CCDC38: variants seen among roughly 807,000 people sequenced by gnomAD.
CCDC38 encodes coiled-coil domain containing 38.
In CCDC38, 69 loss-of-function variants were observed where a neutral mutation model predicts 72.8. The ratio of observed to expected loss-of-function variants is 0.95; its 90% CI spans 0.78 to 1.16. The LOEUF is 1.16. CCDC38 is among the 50% of genes most tolerant of loss of function. The pLI is 0.00. For missense variants in CCDC38, 626 were observed against 638.9 expected, an observed-to-expected ratio of 0.98 and a Z score of 0.22; for synonymous variants, 201 against 213.2, an observed-to-expected ratio of 0.94 and a Z score of 0.50.
At chr12:95,921,260 C>T (rs922023437) in intron 2 of CCDC38, among the ~76,000 whole-genome samples, 2 of 152,150 alleles carry the variant, frequency 1.3e-5, no homozygotes, top group Non-Finnish European at 2.9e-5. Context: ...TTCTTACTTT[C>T]TAACTCTTGG....
At chr12:95,869,817 G>T in intron 14 of CCDC38, 1 of 355,764 alleles carries the variant, frequency 2.8e-6, no homozygotes, top group Non-Finnish European at 4.7e-6. Flanking sequence ...CCAGATCTTG[G>T]TCTATTTTTT....
chr12:95,920,839 G>T (rs886540353), intron 2 of CCDC38, among the ~76,000 whole-genome samples: 1 of 152,040 alleles, frequency 6.6e-6, no homozygotes, highest in African/African-American at 2.4e-5. Flanking sequence ...CATTAAAAAA[G>T]CAAAAGAGGG....
chr12:95,880,265 C>G (rs569878618), intron 11 of CCDC38, among the ~76,000 whole-genome samples: 2 of 152,036 alleles, frequency 1.3e-5, no homozygotes, highest in Non-Finnish European at 2.9e-5. Flanking sequence ...TCATTATTCA[C>G]GATAGCCAAG....
chr12:95,898,020 T>C (rs1428134326), intron 7 of CCDC38, among the ~76,000 whole-genome samples: 1 of 151,972 alleles, frequency 6.6e-6, no homozygotes, highest in Admixed American at 6.6e-5. Context: ...GGGGAAAAAA[T>C]GTCTCAGAAT....
At chr12:95,919,722 T>G (rs1053216690) in intron 2 of CCDC38, 4 of 422,902 alleles carry the variant, frequency 9.5e-6, no homozygotes, top group African/African-American at 8.1e-5. Flanking sequence ...ATTATACATA[T>G]ACCACCATTA....
At chr12:95,890,576 T>C (rs2079813410) in intron 9 of CCDC38, among the ~76,000 whole-genome samples, 2 of 152,208 alleles carry the variant, frequency 1.3e-5, no homozygotes, top group Non-Finnish European at 2.9e-5. Flanking sequence ...TGGAAGGACT[T>C]CAGGACATGT....
intron 4 of CCDC38, among the ~76,000 whole-genome samples, chr12:95,908,820 C>T (rs1477000091): frequency 1.3e-5 from 2 of 151,792 alleles, no homozygotes; most frequent in African/African-American, 4.8e-5. Flanking sequence ...TTTTTTGGCT[C>T]ATAAACCAAA....
At chr12:95,875,289 G>A (rs904933030) in intron 13 of CCDC38, among the ~76,000 whole-genome samples, 6 of 152,148 alleles carry the variant, frequency 3.9e-5, no homozygotes, top group Admixed American at 2.6e-4. Flanking sequence ...GGTAGCACAC[G>A]GGTGTGTTTG....
chr12:95,867,311 C>T (rs1192765363), intron 15 of CCDC38, 122 bp from the exon 16 acceptor site: 1 of 645,820 alleles, frequency 1.5e-6, no homozygotes, highest in Admixed American at 2.9e-5. Context: ...GTAACATTAA[C>T]TAATCACAGT....
At chr12:95,904,739 C>A (rs2079984298) in intron 5 of CCDC38, among the ~76,000 whole-genome samples, 1 of 152,084 alleles carries the variant, frequency 6.6e-6, no homozygotes, top group Non-Finnish European at 1.5e-5. Flanking sequence ...GTCTCCAGAC[C>A]CTCTGAGTGT....
intron 8 of CCDC38, among the ~76,000 whole-genome samples, chr12:95,893,580 G>A (rs2079854568): frequency 6.6e-6 from 1 of 151,722 alleles, no homozygotes; most frequent in Admixed American, 6.6e-5. Context: ...CAACTTCCGG[G>A]GTTTCAGGTG....
chr12:95,875,930 G>A (rs961911965), intron 13 of CCDC38, among the ~76,000 whole-genome samples: 3 of 152,170 alleles, frequency 2.0e-5, no homozygotes, highest in African/African-American at 7.2e-5. Context: ...TTGGATGAAA[G>A]GGGCTTGGTT....
At chr12:95,937,027 C>T (rs2080401460) in intron 1 of CCDC38, among the ~76,000 whole-genome samples, 2 of 152,172 alleles carry the variant, frequency 1.3e-5, no homozygotes, top group South Asian at 4.1e-4. Flanking sequence ...GTGATTGAGG[C>T]ACTCAATCTT....
intron 2 of CCDC38, among the ~76,000 whole-genome samples, chr12:95,923,169 C>A (rs1478065732): frequency 6.6e-6 from 1 of 152,100 alleles, no homozygotes; most frequent in Non-Finnish European, 1.5e-5. Context: ...GCTTCTCAGG[C>A]TTTCTGAGTC....
At chr12:95,921,140 A>AT (rs2080203153) in intron 2 of CCDC38, among the ~76,000 whole-genome samples, 1 of 150,714 alleles carries the variant, frequency 6.6e-6, no homozygotes, top group Admixed American at 6.6e-5. Flanking sequence ...AAAAAAAAAA[A>AT]GAAAAAGAAA....
chr12:95,940,356 C>T lies in CCDC38; in HGVS notation c.-15+2075G>A, dbSNP rs539823711. On this transcript the variant is annotated intron_variant, in intron 1 of 15. Coordinates refer to ENST00000344280, the MANE Select transcript of CCDC38 (RefSeq NM_182496.3). The stretch of plus-strand genomic sequence containing the variant: ...GAAAGAGGAGTGGGATTTGATAAGG[C>T]CCAGTCCTAAGTTTCTAAACCAACT... 3.3e-5 allele frequency among the ~76,000 whole-genome samples: 5 copies of T among 152,146 alleles called. 1 individual carries two copies. The South Asian group carries it at 8.3e-4, about 25-fold the overall frequency.
intron 15 of CCDC38, among the ~76,000 whole-genome samples, chr12:95,867,996 CATT>C (rs1257894424): frequency 5.9e-5 from 9 of 152,286 alleles, no homozygotes; most frequent in Admixed American, 4.6e-4. Flanking sequence ...TTTTCCCCAT[CATT>C]GTAACAACAA....
At chr12:95,930,376 G>A (rs2136738289) in intron 2 of CCDC38, among the ~76,000 whole-genome samples, 2 of 150,136 alleles carry the variant, frequency 1.3e-5, no homozygotes, top group Middle Eastern at 6.9e-3. Context: ...TGGAGGCTCT[G>A]AGGGGGAATC....
chr12:95,919,134 G>A (rs1452610194), intron 2 of CCDC38, among the ~76,000 whole-genome samples, 158 bp from the exon 3 acceptor site: 4 of 152,202 alleles, frequency 2.6e-5, no homozygotes, highest in African/African-American at 9.6e-5. Context: ...AAATTTAAAG[G>A]AGTTTAATTG....
Sources: allele counts gnomAD v4.1 joint callset (sites outside exome capture counted in the v4.1 genomes callset), GRCh38; gene constraint gnomAD v4.1.1; transcripts MANE v1.5; gene names NCBI Gene and HGNC (gene_info 2026-07-23, HGNC 2026-07-21).